The following KCTD12 variants were observed in gnomAD, a reference collection of about 807,000 sequenced individuals.
KCTD12 encodes potassium channel tetramerization domain containing 12.
KCTD12 carries 16 observed loss-of-function variants against 22.6 expected under a neutral mutation model. The ratio of observed to expected loss-of-function variants is 0.71; its 90% CI spans 0.48 to 1.07. The LOEUF is 1.07. KCTD12 is among the 50% of genes least tolerant of loss of function. KCTD12 has a pLI of 0.00. For synonymous variants in KCTD12, 260 were observed against 228.0 expected, an observed-to-expected ratio of 1.14 and a Z score of -1.26; for missense variants, 452 against 469.2, an observed-to-expected ratio of 0.96 and a Z score of 0.34.
In KCTD12 at chr13:76,885,182, A is replaced by C; in HGVS notation, c.967T>G (p.Cys323Gly). The C allele has an allele frequency of 6.2e-7, 1 of 1,612,780 alleles. No homozygotes were observed. Among genetic ancestry groups the C allele is most frequent in the Non-Finnish European group, 8.5e-7 (1 of 1,179,056 alleles). ...IWTSYTEYVF[C>G]RE ...GGGGTCTGGGGAGCTCACTCCCTGC[A>C]GAAGACGTACTCGGTGTAGCTGGTC... Residue 323 changes from cysteine (C) to glycine (G), a missense_variant, in exon 1 of 1, where the codon TGC (cysteine) becomes GGC (glycine). Physicochemically the swap from Cys to Gly is radical, Grantham distance 159. This residue lies in a region of KCTD12 where 122 missense variants were observed against 172.8 expected (regional missense o/e 0.71). Transcript: ENST00000377474. This position sits in a 1 kb window ranked among gnomAD's most constrained non-coding sequence, Gnocchi z 5.1.
At position 76,885,169 on chromosome 13, in the gene KCTD12, G is replaced by C; in HGVS notation, c.*2C>G. Reference sequence around the variant, plus strand: ...CTGGAGTGGCGAGGGGGTCTGGGGAGCTCACTCCCTGCAGAAGACGTACTC... The same window carrying C: ...CTGGAGTGGCGAGGGGGTCTGGGGACCTCACTCCCTGCAGAAGACGTACTC... On this transcript the variant is annotated 3_prime_UTR_variant, in exon 1 of 1. Coordinates refer to ENST00000377474, the MANE Select transcript of KCTD12 (RefSeq NM_138444.4). This position sits in a 1 kb window ranked among gnomAD's most constrained non-coding sequence, Gnocchi z 5.1. The C allele has an allele frequency of 6.2e-7, 1 of 1,610,630 alleles. No homozygotes were observed. Among genetic ancestry groups the C allele is most frequent in the Non-Finnish European group, 8.5e-7 (1 of 1,177,654 alleles).
Position 76,886,249 on chromosome 13 carries a change from G to A in KCTD12, c.-101C>T, listed in dbSNP as rs1013110462. On this transcript the variant is annotated 5_prime_UTR_variant, in exon 1 of 1. Transcript: ENST00000377474. ...GCCCCGGAACCCGGACGCTCGCTCAGCCCTGCGCCCCGCCGCCGCCGCCGC... is the reference window on the plus strand; with the variant it reads ...GCCCCGGAACCCGGACGCTCGCTCAACCCTGCGCCCCGCCGCCGCCGCCGC... 30 of 1,303,218 alleles carry A rather than the reference G, an allele frequency of 2.3e-5. No homozygotes were observed. In the African/African-American group the frequency reaches 4.3e-4, roughly 18 times the overall value. 80.7% of individuals were successfully genotyped at this position (1,303,218 alleles called of 1,614,324 possible). A position where few individuals can be genotyped will look rare whatever the true frequency, so the allele number is the denominator to read the frequency against.
chr13:76,885,336 G>A lies in KCTD12; in HGVS notation c.813C>T (p.Tyr271=), dbSNP rs1157255387. 3.1e-6 allele frequency: 5 copies of A among 1,613,752 alleles called. No individual in the cohort carries two copies. The highest frequency in any genetic ancestry group is 1.3e-5 in the African/African-American group (1 of 74,936). The change falls in exon 1 of 1, where the codon TAC becomes TAT. Residue 271 remains tyrosine, a synonymous_variant. Coordinates refer to ENST00000377474, the MANE Select transcript of KCTD12 (RefSeq NM_138444.4). This position sits in a 1 kb window ranked among gnomAD's most constrained non-coding sequence, Gnocchi z 5.1. The part of the protein sequence containing the change: ...RPPERYTSRY[Y]LKFNFLEQAF... ...CCTGCTCCAGGAAGTTGAACTTGAG[G>A]TAATAGCGCGAGGTGTAGCGCTCCG...
chr13:76,884,011 A>C lies in KCTD12; in HGVS notation c.*1160T>G, dbSNP rs1431840845. 1 of 152,630 alleles carries C rather than the reference A, an allele frequency of 6.6e-6. No individual in the cohort carries two copies. Among genetic ancestry groups the C allele is most frequent in the African/African-American group, 2.4e-5 (1 of 41,450 alleles). 9.5% of individuals were successfully genotyped at this position (152,630 alleles called of 1,614,324 possible). On this transcript the variant is annotated 3_prime_UTR_variant, in exon 1 of 1. Coordinates refer to ENST00000377474, the MANE Select transcript of KCTD12 (RefSeq NM_138444.4). ...GCCAGGTAAGAGTAGGTCTGTTATT[A>C]ATCTTTATAAAATACTTGGCATGTT...
Position 76,883,213 on chromosome 13 carries a change from G to A in KCTD12, c.*1958C>T, listed in dbSNP as rs916831806. On this transcript the variant is annotated 3_prime_UTR_variant, in exon 1 of 1. Transcript: ENST00000377474. Reference sequence around the variant, plus strand: ...ATGGTATATACAGCTTGGATCACATGAGTCTAAGAATAAAACTGTCGATTT... The same window carrying A: ...ATGGTATATACAGCTTGGATCACATAAGTCTAAGAATAAAACTGTCGATTT... 2.0e-5 allele frequency: 3 copies of A among 152,168 alleles called. No individual in the cohort carries two copies. Among genetic ancestry groups the A allele is most frequent in the Admixed American group, 6.5e-5 (1 of 15,288 alleles). 9.4% of individuals were successfully genotyped at this position (152,168 alleles called of 1,614,324 possible).
Position 76,881,843 on chromosome 13 carries a change from T to G in KCTD12, c.*3328A>C, listed in dbSNP as rs2033207619. On this transcript the variant is annotated 3_prime_UTR_variant, in exon 1 of 1. Coordinates refer to ENST00000377474, the MANE Select transcript of KCTD12 (RefSeq NM_138444.4). Reference sequence around the variant, plus strand: ...ACACAGAACCTGGTACCTGTTTTTTTTTTTTTTTTAACCACCATTGTCTAC... The same window carrying G: ...ACACAGAACCTGGTACCTGTTTTTTGTTTTTTTTTAACCACCATTGTCTAC... 2.0e-5 allele frequency: 3 copies of G among 151,676 alleles called. No individual in the cohort carries two copies. The South Asian group carries it at 6.2e-4, about 32-fold the overall frequency. 9.4% of individuals were successfully genotyped at this position (151,676 alleles called of 1,614,324 possible). A position where few individuals can be genotyped will look rare whatever the true frequency, so the allele number is the denominator to read the frequency against.
In KCTD12 at chr13:76,885,513, G is replaced by A. The variant is rs754787768; in HGVS notation, c.636C>T (p.Ile212=). The A allele has an allele frequency of 3.1e-6, 5 of 1,598,952 alleles. No homozygotes were observed. In the South Asian group the frequency reaches 5.6e-5, roughly 18 times the overall value. Residue 212 remains isoleucine, a synonymous_variant, in exon 1 of 1, where the codon ATC becomes ATT. Transcript: ENST00000377474. The surrounding 1 kb of genome is among the most constrained non-coding windows in gnomAD (Gnocchi z 5.1). ...CGATGGTGTAGGAGCCGCGGTAGCCGATGGTGATGTAGCCCGAGCGCCGGC... is the reference window on the plus strand; with the variant it reads ...CGATGGTGTAGGAGCCGCGGTAGCCAATGGTGATGTAGCCCGAGCGCCGGC... ...DGSRRSGYIT[I]GYRGSYTIGR... is the part of the protein sequence containing the mutation.
rs1328628143 is a variant in KCTD12 at position 76,886,287 on chromosome 13, C to A, written c.-139G>T. The A allele has an allele frequency of 9.4e-6, 10 of 1,065,040 alleles. No homozygotes were observed. Among genetic ancestry groups the A allele is most frequent in the Admixed American group, 4.3e-5 (1 of 23,124 alleles). 66.0% of individuals were successfully genotyped at this position (1,065,040 alleles called of 1,614,324 possible). On this transcript the variant is annotated 5_prime_UTR_variant, in exon 1 of 1. Coordinates refer to ENST00000377474, the MANE Select transcript of KCTD12 (RefSeq NM_138444.4). ...CCGCCGCCGCCGCCGCCACCGCCGCCACCGCCACCGCCGCCACCTCCTAGA... is the reference window on the plus strand; with the variant it reads ...CCGCCGCCGCCGCCGCCACCGCCGCAACCGCCACCGCCGCCACCTCCTAGA...
In KCTD12 at chr13:76,881,415, G is replaced by A. The variant is rs1234748478; in HGVS notation, c.*3756C>T. 6.6e-6 allele frequency: 1 copy of A among 152,568 alleles called. No homozygotes were observed. The highest frequency in any genetic ancestry group is 2.4e-5 in the African/African-American group (1 of 41,428). The allele number at this position is 152,568 out of a possible 1,614,324, so 9.5% of individuals were successfully genotyped here. On this transcript the variant is annotated 3_prime_UTR_variant, in exon 1 of 1. Transcript: ENST00000377474. ...ATTGGATCAGAATTTACCCTAACTT[G>A]AAGAGTAAAAAGTTATCAAAGTTTC...
At position 76,883,590 on chromosome 13, in the gene KCTD12, T is replaced by C. The variant is rs1332110968; in HGVS notation, c.*1581A>G. 6.5e-6 allele frequency: 1 copy of C among 152,676 alleles called. No individual in the cohort carries two copies. The highest frequency in any genetic ancestry group is 1.5e-5 in the Non-Finnish European group (1 of 68,036). 9.5% of individuals were successfully genotyped at this position (152,676 alleles called of 1,614,324 possible). ...ACCATTTTATTGCTCAGCTCACTTT[T>C]AAGTACTTATTTGCCTTCATTTAAA... is the stretch of plus-strand genomic sequence containing the variant. On this transcript the variant is annotated 3_prime_UTR_variant, in exon 1 of 1. Transcript: ENST00000377474.
In KCTD12 at chr13:76,885,348, G is replaced by C. The variant is rs1274283622; in HGVS notation, c.801C>G (p.Thr267=). Residue 267 remains threonine, a synonymous_variant, in exon 1 of 1, where the codon ACC becomes ACG. Transcript: ENST00000377474. The surrounding 1 kb of genome is among the most constrained non-coding windows in gnomAD (Gnocchi z 5.1). ...AGTTGAACTTGAGGTAATAGCGCGA[G>C]GTGTAGCGCTCCGGGGGACGGTCGG... ...RDPDRPPERY[T]SRYYLKFNFL... is the part of the protein sequence containing the mutation. The C allele has an allele frequency of 1.2e-6, 2 of 1,613,800 alleles. No individual in the cohort carries two copies. The highest frequency in any genetic ancestry group is 1.7e-6 in the Non-Finnish European group (2 of 1,179,944).
In KCTD12 at chr13:76,886,018, A is replaced by G; in HGVS notation, c.131T>C (p.Val44Ala). The change falls in exon 1 of 1, where the codon GTG (valine) becomes GCG (alanine). Residue 44 changes from valine to alanine, a missense_variant. Physicochemically the swap from Val to Ala is moderately conservative, Grantham distance 64. Transcript: ENST00000377474. ...DIVELNVGGQ[V>A]YVTRRCTVVS... ...CACCGTGCAGCGCCGGGTCACGTAC[A>G]CCTGGCCCCCCACGTTCAGCTCCAC... is the stretch of plus-strand genomic sequence containing the variant. 6.3e-7 allele frequency: 1 copy of G among 1,584,466 alleles called. No individual in the cohort carries two copies.
At position 76,885,981 on chromosome 13, in the gene KCTD12, G is replaced by A; in HGVS notation, c.168C>T (p.Pro56=). 1 of 1,588,980 alleles carries A rather than the reference G, an allele frequency of 6.3e-7. No homozygotes were observed. Among genetic ancestry groups the A allele is most frequent in the Non-Finnish European group, 8.5e-7 (1 of 1,174,224 alleles). ...TGAACATGCGCCAGAGCAGCGAGTC[G>A]GGCACCGACACCACCGTGCAGCGCC... ...VTRRCTVVSV[P]DSLLWRMFTQ... is the part of the protein sequence containing the mutation. The change falls in exon 1 of 1, where the codon CCC becomes CCT. Residue 56 remains proline (P), a synonymous_variant. Coordinates refer to ENST00000377474, the MANE Select transcript of KCTD12 (RefSeq NM_138444.4). The surrounding 1 kb of genome is among the most constrained non-coding windows in gnomAD (Gnocchi z 5.1).
rs1484654550 is a variant in KCTD12, at chr13:76,880,479, C to A, written c.*4692G>T. ...TATAAGATTTTTTCTGCTCTTCTTA[C>A]ATTTAGAGAAAATGGTTTAATGATA... On this transcript the variant is annotated 3_prime_UTR_variant, in exon 1 of 1. Transcript: ENST00000377474. The A allele has an allele frequency of 6.6e-6, 1 of 152,140 alleles. No homozygotes were observed. The highest frequency in any genetic ancestry group is 1.5e-5 in the Non-Finnish European group (1 of 68,002). The allele number at this position is 152,140 out of a possible 1,614,324, so 9.4% of individuals were successfully genotyped here. A position where few individuals can be genotyped will look rare whatever the true frequency, so the allele number is the denominator to read the frequency against.
Position 76,885,488 on chromosome 13 carries a change from C to G in KCTD12, c.661G>C (p.Gly221Arg). ...TIGYRGSYTI[G>R]RDAQADAKFR... ...TTGGCGTCCGCCTGCGCGTCCCGCC[C>G]GATGGTGTAGGAGCCGCGGTAGCCG... Residue 221 changes from glycine (G) to arginine (R), a missense_variant, in exon 1 of 1, where the codon GGG becomes CGG. Coordinates refer to ENST00000377474, the MANE Select transcript of KCTD12 (RefSeq NM_138444.4). This position sits in a 1 kb window ranked among gnomAD's most constrained non-coding sequence, Gnocchi z 5.1. The G allele has an allele frequency of 1.2e-6, 2 of 1,606,628 alleles. No individual in the cohort carries two copies. Among genetic ancestry groups the G allele is most frequent in the South Asian group, 1.1e-5 (1 of 90,520 alleles).
In KCTD12 at chr13:76,883,442, G is replaced by A. The variant is rs970938324; in HGVS notation, c.*1729C>T. 1 of 152,646 alleles carries A rather than the reference G, an allele frequency of 6.6e-6. No homozygotes were observed. The highest frequency in any genetic ancestry group is 1.5e-5 in the Non-Finnish European group (1 of 68,038). 9.5% of individuals were successfully genotyped at this position (152,646 alleles called of 1,614,324 possible). A position where few individuals can be genotyped will look rare whatever the true frequency, so the allele number is the denominator to read the frequency against. On this transcript the variant is annotated 3_prime_UTR_variant, in exon 1 of 1. Coordinates refer to ENST00000377474, the MANE Select transcript of KCTD12 (RefSeq NM_138444.4). Reference sequence around the variant, plus strand: ...GACACCTCACAGCATGGAGCATGACGAGGTTTATTTCCCTTCACTTATGGT... The same window carrying A: ...GACACCTCACAGCATGGAGCATGACAAGGTTTATTTCCCTTCACTTATGGT...
Position 76,883,802 on chromosome 13 carries a change from A to G in KCTD12, c.*1369T>C, listed in dbSNP as rs2033229578. 6.6e-6 allele frequency: 1 copy of G among 152,650 alleles called. No homozygotes were observed. Among genetic ancestry groups the G allele is most frequent in the Non-Finnish European group, 1.5e-5 (1 of 68,036 alleles). The allele number at this position is 152,650 out of a possible 1,614,324, so 9.5% of individuals were successfully genotyped here. On this transcript the variant is annotated 3_prime_UTR_variant, in exon 1 of 1. Transcript: ENST00000377474. Reference sequence around the variant, plus strand: ...AGAAAATAAGGATTTTTAATAAGTGATCTTAGGTCTAAGTAACCAAAATGA... The same window carrying G: ...AGAAAATAAGGATTTTTAATAAGTGGTCTTAGGTCTAAGTAACCAAAATGA...
Position 76,886,169 on chromosome 13 carries a change from G to A in KCTD12, c.-21C>T, listed in dbSNP as rs539791516. The A allele has an allele frequency of 8.3e-6, 12 of 1,453,028 alleles. No homozygotes were observed. The East Asian group carries it at 2.5e-4, about 30-fold the overall frequency. The allele number at this position is 1,453,028 out of a possible 1,614,324, so 90.0% of individuals were successfully genotyped here. ...GCCATGACAGAGAGGTGGCCGGGCC[G>A]GGACAGTGGCAGGAAGCCGCGCTGC... On this transcript the variant is annotated 5_prime_UTR_variant, in exon 1 of 1. Transcript: ENST00000377474.
At position 76,885,913 on chromosome 13, in the gene KCTD12, C is replaced by T. The variant is rs1443226847; in HGVS notation, c.236G>A (p.Arg79His). ...GAAGCCGTCCCGGTCCAGAAAGAAGCGGCCTTTGCTGTCCCGGGCCAGCTC... is the reference window on the plus strand; with the variant it reads ...GAAGCCGTCCCGGTCCAGAAAGAAGTGGCCTTTGCTGTCCCGGGCCAGCTC... ...PQELARDSKG[R>H]FFLDRDGFLF... The change falls in exon 1 of 1, where the codon CGC becomes CAC. Residue 79 changes from arginine to histidine, a missense_variant. Physicochemically the swap from Arg to His is conservative, Grantham distance 29. This residue lies in a region of KCTD12 where 330 missense variants were observed against 296.5 expected (regional missense o/e 1.11). Transcript: ENST00000377474. The surrounding 1 kb of genome is among the most constrained non-coding windows in gnomAD (Gnocchi z 5.1). 1 of 1,596,602 alleles carries T rather than the reference C, an allele frequency of 6.3e-7. No homozygotes were observed. Among genetic ancestry groups the T allele is most frequent in the East Asian group, 2.2e-5 (1 of 44,734 alleles).
Sources: allele counts gnomAD v4.1 joint callset, GRCh38; gene constraint gnomAD v4.1.1; regional missense constraint gnomAD v4.1.1; non-coding constraint Gnocchi (gnomAD v3.1); transcripts MANE v1.5; gene names NCBI Gene and HGNC (gene_info 2026-07-23, HGNC 2026-07-21).